ADCK2: variants seen among roughly 807,000 people sequenced by gnomAD.
ADCK2 encodes aarF domain containing kinase 2.
In ADCK2, 37 loss-of-function variants were observed where a neutral mutation model predicts 52.3. The observed-to-expected ratio is 0.71, with a 90% CI of 0.54 to 0.93. The LOEUF (loss-of-function observed/expected upper bound fraction) is 0.93. ADCK2 is among the 40% of genes least tolerant of loss of function. The pLI, the probability that ADCK2 is intolerant of heterozygous loss-of-function variation, is 0.00. For synonymous variants in ADCK2, 321 were observed against 349.2 expected, an observed-to-expected ratio of 0.92 and a Z score of 0.90; for missense variants, 695 against 798.7, an observed-to-expected ratio of 0.87 and a Z score of 1.56.
chr7:140,681,167 C>G, intron 4 of ADCK2, 30 bp downstream of exon 4: 1 of 1,607,924 alleles, frequency 6.2e-7, no homozygotes, highest in East Asian at 2.2e-5. Flanking sequence ...GGGCTCAGGC[C>G]CAGCATGTGG....
chr7:140,674,841 AT>A lies in ADCK2; in HGVS notation c.1080+88del, dbSNP rs1397769245. ...CTACTTAGTAAATGTTGAATGAATA[AT>A]TTTCTGGTATGTCATAACTCATGTG... is the stretch of plus-strand genomic sequence containing the variant. On this transcript the variant is annotated intron_variant, in intron 2 of 7. Coordinates refer to ENST00000072869, the MANE Select transcript of ADCK2 (RefSeq NM_052853.4). The surrounding 1 kb of genome is among the most constrained non-coding windows in gnomAD (Gnocchi z 4.6). 2 of 1,462,486 alleles carry A rather than the reference AT, an allele frequency of 1.4e-6. No individual in the cohort carries two copies. Among genetic ancestry groups the A allele is most frequent in the Non-Finnish European group, 1.8e-6 (2 of 1,082,972 alleles). The allele number at this position is 1,462,486 out of a possible 1,614,324, so 90.6% of individuals were successfully genotyped here.
intron 2 of ADCK2, 89 bp from the exon 3 acceptor site, chr7:140,679,066 T>G: frequency 6.6e-7 from 1 of 1,505,652 alleles, no homozygotes; most frequent in South Asian, 1.2e-5. Context: ...GTGGGGTGGA[T>G]CTCATGACTT....
At chr7:140,690,643 G>A (rs1237175080) in intron 6 of ADCK2, 117 bp from the exon 7 acceptor site, 1 of 864,370 alleles carries the variant, frequency 1.2e-6, no homozygotes, top group East Asian at 2.5e-5. Context: ...ACTGGTGTAT[G>A]TGTGCCCTGG....
rs145534410 is a variant in ADCK2 at position 140,691,268 on chromosome 7, A to C, written c.1740+455A>C. On this transcript the variant is annotated intron_variant, in intron 7 of 7. Coordinates refer to ENST00000072869, the MANE Select transcript of ADCK2 (RefSeq NM_052853.4). The stretch of plus-strand genomic sequence containing the variant: ...GCATTTTTAGTAACAAGCCATTTGC[A>C]ACAAGTGCTTCGTAGCTGTTAGTCT... Among the ~76,000 whole-genome samples, 524 of 152,348 alleles carry C rather than the reference A, an allele frequency of 3.4e-3. 3 individuals carry two copies. The highest frequency in any genetic ancestry group is 0.012 in the African/African-American group (501 of 41,590).
At chr7:140,676,319 C>T (rs2130780087) in intron 2 of ADCK2, among the ~76,000 whole-genome samples, 1 of 152,300 alleles carries the variant, frequency 6.6e-6, no homozygotes, top group East Asian at 1.9e-4. Flanking sequence ...GGCCCCATCT[C>T]CTAATACCAT....
At chr7:140,689,756 G>T in intron 6 of ADCK2, 31 bp downstream of exon 6, 1 of 1,590,008 alleles carries the variant, frequency 6.3e-7, no homozygotes, top group East Asian at 2.3e-5. Context: ...ACAGGGGCTG[G>T]GGAGTCCATA....
chr7:140,686,356 C>T (rs1310866035), intron 4 of ADCK2, among the ~76,000 whole-genome samples: 1 of 152,220 alleles, frequency 6.6e-6, no homozygotes, highest in Non-Finnish European at 1.5e-5. Flanking sequence ...TCTCGGCTCA[C>T]TCCAACCTCT....
chr7:140,674,684 G>A lies in ADCK2; in HGVS notation c.1007G>A (p.Gly336Glu). ...ATGAAGATTGGCAGCCGAGTCCTGG[G>A]AGTTTTGCCAGGCATCAAGTGGCTT... is the stretch of plus-strand genomic sequence containing the variant. ...LLMKIGSRVL[G>E]VLPGIKWLSL... is the part of the protein sequence containing the mutation. The change falls in exon 2 of 8, where the codon GGA becomes GAA. Residue 336 changes from glycine (G) to glutamate (E), a missense_variant. Transcript: ENST00000072869. This position sits in a 1 kb window ranked among gnomAD's most constrained non-coding sequence, Gnocchi z 4.6. 6.2e-7 allele frequency: 1 copy of A among 1,614,202 alleles called. No individual in the cohort carries two copies. The highest frequency in any genetic ancestry group is 8.5e-7 in the Non-Finnish European group (1 of 1,180,034).
chr7:140,690,633 A>C, intron 6 of ADCK2, 127 bp from the exon 7 acceptor site: 1 of 733,116 alleles, frequency 1.4e-6, no homozygotes, highest in Non-Finnish European at 2.2e-6. Flanking sequence ...TTTTGTGCTG[A>C]CTGGTGTATG....
Position 140,673,233 on chromosome 7 carries a change from C to A in ADCK2, c.-98C>A. The A allele has an allele frequency of 9.1e-7, 1 of 1,104,628 alleles. No homozygotes were observed. The highest frequency in any genetic ancestry group is 1.2e-6 in the Non-Finnish European group (1 of 833,786). 68.4% of individuals were successfully genotyped at this position (1,104,628 alleles called of 1,614,324 possible). Reference sequence around the variant, plus strand: ...TCCGGCCCAGATGGGCAGCTCCGTCCGCGGGGTCAGGGCCGGGCTTCGGCT... The same window carrying A: ...TCCGGCCCAGATGGGCAGCTCCGTCAGCGGGGTCAGGGCCGGGCTTCGGCT... On this transcript the variant is annotated 5_prime_UTR_variant, in exon 1 of 8. Transcript: ENST00000072869. This position sits in a 1 kb window ranked among gnomAD's most constrained non-coding sequence, Gnocchi z 6.4.
In ADCK2 at chr7:140,691,636, T is replaced by C. The variant is rs148795246; in HGVS notation, c.1740+823T>C. Reference sequence around the variant, plus strand: ...GGCTCTGTCGCCTTGTCATGGAGCCTAGTCTCCGGCACTCTTTAAACTAAG... The same window carrying C: ...GGCTCTGTCGCCTTGTCATGGAGCCCAGTCTCCGGCACTCTTTAAACTAAG... On this transcript the variant is annotated intron_variant, in intron 7 of 7. Transcript: ENST00000072869. Among the ~76,000 whole-genome samples, 454 of 152,322 alleles carry C rather than the reference T, an allele frequency of 3.0e-3. 2 individuals are homozygous for C. Among genetic ancestry groups the C allele is most frequent in the African/African-American group, 9.4e-3 (390 of 41,576 alleles).
In ADCK2 at chr7:140,678,716, C is replaced by T. The variant is rs552308715; in HGVS notation, c.1081-439C>T. Among the ~76,000 whole-genome samples, 23 of 152,082 alleles carry T rather than the reference C, an allele frequency of 1.5e-4. No individual in the cohort carries two copies. Among genetic ancestry groups the T allele is most frequent in the African/African-American group, 5.5e-4 (23 of 41,500 alleles). ...TTGGGGAGAGTAGCAGTGGCAGTGT[C>T]GATGCGGTGGGTGGAGAGCTGCCGC... On this transcript the variant is annotated intron_variant, in intron 2 of 7. Coordinates refer to ENST00000072869, the MANE Select transcript of ADCK2 (RefSeq NM_052853.4). This position sits in a 1 kb window ranked among gnomAD's most constrained non-coding sequence, Gnocchi z 4.9.
intron 7 of ADCK2, among the ~76,000 whole-genome samples, chr7:140,692,543 G>C (rs190107989): frequency 6.6e-6 from 1 of 152,214 alleles, no homozygotes; most frequent in Admixed American, 6.5e-5. Context: ...TTTTTAGTAA[G>C]AGATAGGGTT....
At chr7:140,679,328 C>T (rs371513235) in intron 3 of ADCK2, 45 bp downstream of exon 3, 10 of 1,607,494 alleles carry the variant, frequency 6.2e-6, no homozygotes, top group African/African-American at 4.0e-5. Flanking sequence ...ACTTGCCACT[C>T]GCAGTGGGCC....
chr7:140,673,808 T>C lies in ADCK2; in HGVS notation c.478T>C (p.Ser160Pro). 6.2e-7 allele frequency: 1 copy of C among 1,613,454 alleles called. No homozygotes were observed. The highest frequency in any genetic ancestry group is 1.7e-4 in the Middle Eastern group (1 of 6,060). ...GGCCAGCACCCGGCGCGATCTGTTT[T>C]CGGAGGCTTTCTGTGCCCAATTTTC... The part of the protein sequence containing the change: ...QWASTRRDLF[S>P]EAFCAQFSKL... The change falls in exon 1 of 8, where the codon TCG (serine) becomes CCG (proline). Residue 160 changes from serine to proline, a missense_variant. By Grantham distance (74) the Ser-to-Pro change is moderately conservative. Coordinates refer to ENST00000072869, the MANE Select transcript of ADCK2 (RefSeq NM_052853.4). The surrounding 1 kb of genome is among the most constrained non-coding windows in gnomAD (Gnocchi z 6.4).
rs2130776546 is a variant in ADCK2 at position 140,673,508 on chromosome 7, G to A, written c.178G>A (p.Gly60Arg). ...VVSLCGDVGEGAPDVLSRRRV... is the reference protein window; with the variant it reads ...VVSLCGDVGERAPDVLSRRRV... ...CTCCCTGTGCGGGGACGTGGGTGAG[G>A]GGGCCCCTGACGTTCTGAGTCGGCG... The change falls in exon 1 of 8, where the codon GGG becomes AGG. Residue 60 changes from glycine to arginine, a missense_variant. Transcript: ENST00000072869. This position sits in a 1 kb window ranked among gnomAD's most constrained non-coding sequence, Gnocchi z 6.4. 1 of 1,602,096 alleles carries A rather than the reference G, an allele frequency of 6.2e-7. No homozygotes were observed. The highest frequency in any genetic ancestry group is 8.5e-7 in the Non-Finnish European group (1 of 1,176,538).
chr7:140,676,290 GACCTA>G (rs1176281494), intron 2 of ADCK2, among the ~76,000 whole-genome samples: 2 of 152,098 alleles, frequency 1.3e-5, no homozygotes, highest in Non-Finnish European at 2.9e-5. Flanking sequence ...CTGCTCTCAT[GACCTA>G]ATCACCTCCT....
At chr7:140,692,159 G>A (rs1364943790) in intron 7 of ADCK2, among the ~76,000 whole-genome samples, 1 of 152,180 alleles carries the variant, frequency 6.6e-6, no homozygotes, top group African/African-American at 2.4e-5. Context: ...ATTTGGCAGA[G>A]CTGAAACTCT....
Position 140,687,019 on chromosome 7 carries a change from CCTT to C in ADCK2, c.1337_1339del (p.Leu446del), listed in dbSNP as rs1292087526. ...TTGTGGATAACTTTGTCCATGCAGA[CCTT>C]CACCCTGGAAACATCCTGGTTCAGG... On this transcript the variant is annotated inframe_deletion, in exon 5 of 8. Coordinates refer to ENST00000072869, the MANE Select transcript of ADCK2 (RefSeq NM_052853.4). The C allele has an allele frequency of 6.2e-7, 1 of 1,613,994 alleles. No homozygotes were observed. The highest frequency in any genetic ancestry group is 8.5e-7 in the Non-Finnish European group (1 of 1,180,018).
Sources: gnomAD v4.1 joint callset for allele counts (sites outside exome capture counted in the v4.1 genomes callset) on GRCh38, gnomAD v4.1.1 for gene constraint, Gnocchi (gnomAD v3.1) non-coding constraint, MANE v1.5 for transcripts, NCBI Gene and HGNC (gene_info 2026-07-23, HGNC 2026-07-21) for gene names.